Variants in SERINC2 observed in about 807,000 individuals in gnomAD.
SERINC2 encodes the protein tumor differentially expressed protein 2.
SERINC2 carries 56 observed loss-of-function variants against 54.2 expected under a neutral mutation model. The ratio of observed to expected loss-of-function variants is 1.03; its 90% CI spans 0.83 to 1.29. The LOEUF (loss-of-function observed/expected upper bound fraction) is 1.29, where lower values mean the gene tolerates loss of function less well. Among genes scored for constraint, SERINC2 ranks in the 50% most tolerant of loss-of-function variants. SERINC2 has a pLI of 0.00. For synonymous variants in SERINC2, 272 were observed against 253.1 expected (o/e 1.07, Z -0.71); for missense variants, 614 against 607.4 (o/e 1.01, Z -0.12).
chr1:31,410,440 G>A (rs1640629284), upstream of SERINC2: 1 of 1,550,290 alleles, frequency 6.5e-7, no homozygotes, highest in Non-Finnish European at 8.7e-7. Flanking sequence ...CACACAGTGA[G>A]TTATGCCTTC....
intron 1 of SERINC2, among the ~76,000 whole-genome samples, chr1:31,416,759 T>C (rs1553132273): frequency 6.6e-6 from 1 of 152,236 alleles, no homozygotes; most frequent in Non-Finnish European, 1.5e-5. Context: ...CTTGCTCTGT[T>C]GTCCAGACTG....
intron 1 of SERINC2, among the ~76,000 whole-genome samples, chr1:31,419,318 A>G (rs1553132553): frequency 6.6e-6 from 1 of 151,872 alleles, no homozygotes; most frequent in African/African-American, 2.4e-5. Context: ...GTTTCTTGAG[A>G]CTCCAATAGG....
chr1:31,428,305 G>A (rs559611361), intron 6 of SERINC2, among the ~76,000 whole-genome samples: 3 of 152,292 alleles, frequency 2.0e-5, no homozygotes, highest in South Asian at 2.1e-4. Flanking sequence ...CTCCCAAAGC[G>A]CTGGGATTAC....
At position 31,433,145 on chromosome 1, in the gene SERINC2, G is replaced by A. The variant is rs782553422; in HGVS notation, c.1192G>A (p.Ala398Thr). The change falls in exon 9 of 10, where the codon GCC (alanine) becomes ACC (threonine). Residue 398 changes from alanine (A) to threonine (T), a missense_variant. Physicochemically the swap from Ala to Thr is moderately conservative, Grantham distance 58 (BLOSUM62 0). Transcript: ENST00000373709. The stretch of plus-strand genomic sequence containing the variant: ...CTTCTTCCACTTCTGCCTGGTGCTG[G>A]CCTCACTGCACGTCATGATGACGCT... ...YSFFHFCLVL[A>T]SLHVMMTLTN... The A allele has an allele frequency of 8.7e-6, 14 of 1,613,628 alleles. No individual in the cohort carries two copies. In the East Asian group the frequency reaches 2.9e-4, roughly 33 times the overall value.
Position 31,426,858 on chromosome 1 carries a change from G to A in SERINC2, c.780+35G>A, listed in dbSNP as rs369888461. On this transcript the variant is annotated intron_variant, in intron 6 of 9. Transcript: ENST00000373709. ...CCTGACCCCCCCTGGCCTGAAGCCCGGCCCCTTAGTGGGTGGGACTTCTTG... is the reference window on the plus strand; with the variant it reads ...CCTGACCCCCCCTGGCCTGAAGCCCAGCCCCTTAGTGGGTGGGACTTCTTG... 9 of 1,590,462 alleles carry A rather than the reference G, an allele frequency of 5.7e-6. No individual in the cohort carries two copies. The East Asian group carries it at 1.6e-4, about 28-fold the overall frequency.
At chr1:31,411,698 C>G (rs1640651555), upstream of SERINC2, among the ~76,000 whole-genome samples, 1 of 152,032 alleles carries the variant, frequency 6.6e-6, no homozygotes, top group South Asian at 2.1e-4. Context: ...GGAGAAGGAC[C>G]TTTAAGAGGA....
chr1:31,432,238 C>T (rs147409205), intron 8 of SERINC2, among the ~76,000 whole-genome samples: 1 of 122,586 alleles, frequency 8.2e-6, no homozygotes, highest in Non-Finnish European at 1.9e-5. Flanking sequence ...TAGGGACCCA[C>T]TGACTCACAG....
Position 31,432,816 on chromosome 1 carries a change from G to A in SERINC2, c.1014-151G>A, listed in dbSNP as rs1641350629. On this transcript the variant is annotated intron_variant, in intron 8 of 9. Transcript: ENST00000373709. The stretch of plus-strand genomic sequence containing the variant: ...AGGTCACACAGAAAATGGGAGTGGG[G>A]GTAGGGGTAGAGTTGAGAGGCAAAG... The A allele has an allele frequency of 8.1e-6, 5 of 618,228 alleles. No individual in the cohort carries two copies. In the South Asian group the frequency reaches 9.7e-5, roughly 12 times the overall value. 38.3% of individuals were successfully genotyped at this position (618,228 alleles called of 1,614,324 possible). A position where few individuals can be genotyped will look rare whatever the true frequency, so the allele number is the denominator to read the frequency against.
upstream of SERINC2, chr1:31,412,979 T>A (rs1640677704): frequency 5.0e-6 from 1 of 199,938 alleles, no homozygotes; most frequent in Admixed American, 6.4e-5. Context: ...TTCCGAACGC[T>A]CACTTTGGAG....
rs1557495856 is a variant in SERINC2, at chr1:31,426,840, CCCCCTGGCCTGAAGCCCGG to C, written c.780+23_780+41del. The C allele has an allele frequency of 3.7e-6, 6 of 1,608,352 alleles. No individual in the cohort carries two copies. The South Asian group carries it at 6.6e-5, about 18-fold the overall frequency. On this transcript the variant is annotated intron_variant, in intron 6 of 9. Transcript: ENST00000373709. ...AAGGTCCAGGTGAGCCTGCCTGACC[CCCCCTGGCCTGAAGCCCGG>C]CCCCTTAGTGGGTGGGACTTCTTGT...
intron 1 of SERINC2, chr1:31,414,333 C>T (rs1372882630): frequency 1.3e-5 from 17 of 1,308,262 alleles, no homozygotes; most frequent in Non-Finnish European, 1.6e-5. Context: ...CCCTCCCCCT[C>T]TGGCCCCACA....
intron 8 of SERINC2, among the ~76,000 whole-genome samples, chr1:31,432,204 A>ACAGGGTGGATAGG (rs1641314479): frequency 4.3e-5 from 2 of 46,426 alleles, no homozygotes; most frequent in Non-Finnish European, 1.0e-4. Flanking sequence ...GAGTGGAGAG[A>ACAGGGTGGATAGG]GTGGACAGGG....
intron 6 of SERINC2, 53 bp downstream of exon 6, chr1:31,426,876 ACTT>A: frequency 6.5e-7 from 1 of 1,542,480 alleles, no homozygotes; most frequent in African/African-American, 1.4e-5. Flanking sequence ...AGTGGGTGGG[ACTT>A]CTTGTAGGAA....
chr1:31,432,012 T>TAGGGTGGAGAGGGTGGACAGGGTGGAG, intron 8 of SERINC2, among the ~76,000 whole-genome samples: 1 of 25,876 alleles, frequency 3.9e-5, no homozygotes, highest in Non-Finnish European at 1.1e-4. Flanking sequence ...ATAGGGTGGA[T>TAGGGTGGAGAGGGTGGACAGGGTGGAG]AGGGTGGACA....
rs781964613 is a variant in SERINC2 at position 31,433,096 on chromosome 1, G to C, written c.1143G>C (p.Gln381His). 6.2e-7 allele frequency: 1 copy of C among 1,613,696 alleles called. No homozygotes were observed. Among genetic ancestry groups the C allele is most frequent in the Non-Finnish European group, 8.5e-7 (1 of 1,180,024 alleles). Residue 381 changes from glutamine to histidine, a missense_variant, in exon 9 of 10, where the codon CAG becomes CAC. Physicochemically the swap from Gln to His is conservative, Grantham distance 24. Coordinates refer to ENST00000373709, the MANE Select transcript of SERINC2 (RefSeq NM_178865.5). The part of the protein sequence containing the change: ...ACEGRAFDNE[Q>H]DGVTYSYSFF... Reference sequence around the variant, plus strand: ...AGGGCCGGGCCTTTGACAACGAGCAGGACGGCGTCACCTACAGCTACTCCT... The same window carrying C: ...AGGGCCGGGCCTTTGACAACGAGCACGACGGCGTCACCTACAGCTACTCCT...
intron 9 of SERINC2, among the ~76,000 whole-genome samples, chr1:31,433,404 A>G (rs531113905): frequency 2.4e-4 from 36 of 152,274 alleles, no homozygotes; most frequent in African/African-American, 8.7e-4. Flanking sequence ...AGGAGACTGA[A>G]CCGGGGAAGG....
At chr1:31,424,937 C>T in intron 3 of SERINC2, 64 bp downstream of exon 3, 1 of 1,398,338 alleles carries the variant, frequency 7.2e-7, no homozygotes, top group Non-Finnish European at 9.8e-7. Flanking sequence ...GCTCCTCTGC[C>T]TGTCCAGGGA....
intron 1 of SERINC2, chr1:31,415,736 A>G (rs1640766674): frequency 7.0e-6 from 2 of 284,242 alleles, no homozygotes; most frequent in African/African-American, 4.6e-5. Flanking sequence ...GTTGCAGTGA[A>G]GAGTTGCTGC....
intron 1 of SERINC2, chr1:31,415,864 G>A: frequency 1.0e-6 from 1 of 984,950 alleles, no homozygotes; most frequent in Non-Finnish European, 1.2e-6. Context: ...TGCTGATTGT[G>A]CTTCTCAGCA....
Sources: allele counts gnomAD v4.1 joint callset (sites outside exome capture counted in the v4.1 genomes callset), GRCh38; gene constraint gnomAD v4.1.1; transcripts MANE v1.5; gene names NCBI Gene and HGNC (gene_info 2026-07-23, HGNC 2026-07-21).